The following KDM4B variants were observed in gnomAD, a reference collection of about 807,000 sequenced individuals.
The protein encoded by KDM4B is lysine-specific demethylase 4B.
In KDM4B, 32 loss-of-function variants were observed where a neutral mutation model predicts 125.2. That is an observed-to-expected ratio of 0.26 (90% CI 0.19 to 0.34). The LOEUF is 0.34. Among genes scored for constraint, KDM4B ranks in the 10% least tolerant of loss-of-function variants. The pLI is 1.00. For missense variants in KDM4B, 1,190 were observed against 1,577.7 expected (o/e 0.75, Z 4.16); for synonymous variants, 721 against 677.9 (o/e 1.06, Z -0.99).
intron 14 of KDM4B, among the ~76,000 whole-genome samples, chr19:5,134,369 G>C (rs534309645): frequency 5.3e-5 from 8 of 152,278 alleles, no homozygotes; most frequent in Middle Eastern, 6.8e-3. Flanking sequence ...GAGATGGGCC[G>C]GGTGGTGTGG....
intron 6 of KDM4B, among the ~76,000 whole-genome samples, chr19:5,064,725 GC>G (rs2037713775): frequency 6.6e-6 from 1 of 152,198 alleles, no homozygotes; most frequent in Admixed American, 6.5e-5. Flanking sequence ...TGGCTTGAGA[GC>G]CTCCAAGGAG....
intron 1 of KDM4B, among the ~76,000 whole-genome samples, chr19:5,000,266 C>G (rs987484594): frequency 1.4e-5 from 2 of 141,000 alleles, no homozygotes; most frequent in African/African-American, 5.3e-5. Flanking sequence ...TCCACCCATT[C>G]ACATATCCGT....
At chr19:4,989,066 T>C (rs1474776627) in intron 1 of KDM4B, among the ~76,000 whole-genome samples, 1 of 152,230 alleles carries the variant, frequency 6.6e-6, no homozygotes, top group African/African-American at 2.4e-5. Flanking sequence ...ACTGGGCCGG[T>C]CCCTTGCCTC....
intron 10 of KDM4B, among the ~76,000 whole-genome samples, chr19:5,118,496 G>A (rs2039299204): frequency 6.6e-6 from 1 of 152,156 alleles, no homozygotes; most frequent in African/African-American, 2.4e-5. Context: ...GCCTGGAGGA[G>A]GTGCAGATAT....
chr19:5,073,885 C>T (rs142597592), intron 7 of KDM4B, among the ~76,000 whole-genome samples: 10 of 152,130 alleles, frequency 6.6e-5, no homozygotes, highest in South Asian at 2.1e-4. Context: ...GAGAGGCTGA[C>T]GTCAGAGGAT....
rs1318204022 is a variant in KDM4B, at chr19:5,144,371, G to A, written c.2860G>A (p.Asp954Asn). The A allele has an allele frequency of 7.6e-6, 12 of 1,569,236 alleles. No homozygotes were observed. Among genetic ancestry groups the A allele is most frequent in the Non-Finnish European group, 1.0e-5 (12 of 1,157,458 alleles). Residue 954 changes from aspartate to asparagine, a missense_variant, in exon 20 of 23, where the codon GAT (aspartate) becomes AAT (asparagine). By Grantham distance (23) the Asp-to-Asn change is conservative. Transcript: ENST00000159111. ...GACCTGCTACGAAGTGAACTTCGAC[G>A]ATGGCTCCTACAGCGACAACCTGTA... Reference protein sequence around the residue: ...SQTCYEVNFDDGSYSDNLYPE... With the variant: ...SQTCYEVNFDNGSYSDNLYPE...
chr19:5,004,762 G>T (rs574381712), intron 1 of KDM4B, among the ~76,000 whole-genome samples: 1 of 152,288 alleles, frequency 6.6e-6, no homozygotes, highest in East Asian at 1.9e-4. Flanking sequence ...CAGGTGGGCA[G>T]TACCCCTGGG....
intron 21 of KDM4B, among the ~76,000 whole-genome samples, chr19:5,147,925 G>A (rs1402646460): frequency 6.6e-6 from 1 of 152,160 alleles, no homozygotes; most frequent in African/African-American, 2.4e-5. Flanking sequence ...TGGTGGCCAA[G>A]GAGATGGGGC....
At chr19:5,041,581 G>A (rs2036819600) in intron 5 of KDM4B, among the ~76,000 whole-genome samples, 1 of 152,216 alleles carries the variant, frequency 6.6e-6, no homozygotes, top group Non-Finnish European at 1.5e-5. Context: ...TGGCACTGTG[G>A]AGCCTCGAGT....
At chr19:5,073,503 C>T (rs2038011478) in intron 7 of KDM4B, among the ~76,000 whole-genome samples, 1 of 152,240 alleles carries the variant, frequency 6.6e-6, no homozygotes, top group Admixed American at 6.5e-5. Context: ...GCCACTTCTC[C>T]CCCTCCATAT....
In KDM4B at chr19:5,039,968, G is replaced by A. The variant is rs1374067944; in HGVS notation, c.274G>A (p.Ala92Thr). The part of the protein sequence containing the change: ...LFTQYNIQKK[A>T]MTVGEYRRLA... ...CACGCAGTACAATATCCAGAAGAAG[G>A]CCATGACAGTGGGCGAGTACCGCCG... The change falls in exon 4 of 23, where the codon GCC becomes ACC. Residue 92 changes from alanine (A) to threonine (T), a missense_variant. By Grantham distance (58) the Ala-to-Thr change is moderately conservative (BLOSUM62 0). This residue lies in a region of KDM4B where 139 missense variants were observed against 248.3 expected (regional missense o/e 0.56). Transcript: ENST00000159111. 6.2e-7 allele frequency: 1 copy of A among 1,612,492 alleles called. No homozygotes were observed. The highest frequency in any genetic ancestry group is 8.5e-7 in the Non-Finnish European group (1 of 1,179,720).
intron 9 of KDM4B, among the ~76,000 whole-genome samples, chr19:5,102,554 G>T (rs1203516332): frequency 6.6e-6 from 1 of 152,166 alleles, no homozygotes; most frequent in Non-Finnish European, 1.5e-5. Context: ...GGCCAGGGGA[G>T]CAGGGGAGGA....
At chr19:5,087,490 G>A (rs964448740) in intron 9 of KDM4B, among the ~76,000 whole-genome samples, 13 of 152,322 alleles carry the variant, frequency 8.5e-5, no homozygotes, top group Middle Eastern at 3.4e-3. Context: ...CACCTGCAGC[G>A]TCCCTTGGAG....
At chr19:5,125,356 G>A (rs1369026124) in intron 11 of KDM4B, among the ~76,000 whole-genome samples, 2 of 152,156 alleles carry the variant, frequency 1.3e-5, no homozygotes, top group African/African-American at 4.8e-5. Context: ...GGGGGTCCTG[G>A]TTCTCCTCTG....
At chr19:5,133,414 G>A (rs2039592774) in intron 13 of KDM4B, among the ~76,000 whole-genome samples, 1 of 152,176 alleles carries the variant, frequency 6.6e-6, no homozygotes, top group African/African-American at 2.4e-5. Flanking sequence ...CCTAAGACAG[G>A]AAGGACAGTG....
At chr19:5,086,438 C>T (rs961921135) in intron 9 of KDM4B, among the ~76,000 whole-genome samples, 10 of 152,312 alleles carry the variant, frequency 6.6e-5, no homozygotes, top group South Asian at 2.1e-4. Flanking sequence ...GACAGCCGGA[C>T]GAAACTGAAA....
chr19:5,070,762 G>A, intron 6 of KDM4B: 1 of 434,642 alleles, frequency 2.3e-6, no homozygotes, highest in Non-Finnish European at 4.1e-6. Flanking sequence ...GGCTTTCTGA[G>A]TGTGTCACAA....
At chr19:5,019,026 G>A (rs1356387068) in intron 2 of KDM4B, among the ~76,000 whole-genome samples, 1 of 151,922 alleles carries the variant, frequency 6.6e-6, no homozygotes, top group African/African-American at 2.4e-5. Context: ...TGGTGTGCAG[G>A]TGTTGGTGTG....
chr19:5,151,480 A>C lies in KDM4B; in HGVS notation c.3260A>C (p.Gln1087Pro). 2 of 1,500,082 alleles carry C rather than the reference A, an allele frequency of 1.3e-6. No homozygotes were observed. The highest frequency in any genetic ancestry group is 1.8e-6 in the Non-Finnish European group (2 of 1,124,012). The allele number at this position is 1,500,082 out of a possible 1,614,324, so 92.9% of individuals were successfully genotyped here. Residue 1087 changes from glutamine (Q) to proline (P), a missense_variant, in exon 23 of 23, where the codon CAG becomes CCG. Transcript: ENST00000159111. ...GTGGCCTTCGTGGAGAGCCTCCTGC[A>C]GGTGCAGGGCCGGCCCGGAGCCCCC... ...DYVAFVESLLQVQGRPGAPF is the reference protein window; with the variant it reads ...DYVAFVESLLPVQGRPGAPF
Sources: allele counts gnomAD v4.1 joint callset (sites outside exome capture counted in the v4.1 genomes callset), GRCh38; gene constraint gnomAD v4.1.1; regional missense constraint gnomAD v4.1.1; transcripts MANE v1.5; gene names NCBI Gene and HGNC (gene_info 2026-07-23, HGNC 2026-07-21).